SUPV3L1: variants seen among roughly 807,000 people sequenced by gnomAD.
The protein encoded by SUPV3L1 is ATP-dependent RNA helicase SUPV3L1, mitochondrial.
SUPV3L1 carries 35 observed loss-of-function variants against 70.0 expected under a neutral mutation model. The ratio of observed to expected loss-of-function variants is 0.50; its 90% CI spans 0.38 to 0.66. The LOEUF (loss-of-function observed/expected upper bound fraction) is 0.66. Ranked by LOEUF, SUPV3L1 falls within the 30% of genes least tolerant of loss-of-function variation. SUPV3L1 has a pLI of 0.00. For missense variants in SUPV3L1, 777 were observed against 961.5 expected, an observed-to-expected ratio of 0.81 and a Z score of 2.54; for synonymous variants, 364 against 341.9, an observed-to-expected ratio of 1.06 and a Z score of -0.71.
chr10:69,205,703 T>G (rs1842808901), intron 13 of SUPV3L1, among the ~76,000 whole-genome samples: 1 of 152,054 alleles, frequency 6.6e-6, no homozygotes, highest in African/African-American at 2.4e-5. Flanking sequence ...CTGGCTAATT[T>G]TTTGTATTTT....
At chr10:69,187,535 C>G (rs1182046312) in intron 3 of SUPV3L1, 107 bp from the exon 4 acceptor site, 5 of 696,994 alleles carry the variant, frequency 7.2e-6, no homozygotes, top group Non-Finnish European at 1.2e-5. Flanking sequence ...TTCTTTTTAC[C>G]CTGGCAGTGC....
In SUPV3L1 at chr10:69,187,671, T is replaced by G; in HGVS notation, c.487T>G (p.Leu163Val). ...TGCGGATGATTTATTCCCATTTTTCTTGAGACATGCCAAACAAATATTTCC... is the reference window on the plus strand; with the variant it reads ...TGCGGATGATTTATTCCCATTTTTCGTGAGACATGCCAAACAAATATTTCC... ...AHADDLFPFFLRHAKQIFPVL... is the reference protein window; with the variant it reads ...AHADDLFPFFVRHAKQIFPVL... Residue 163 changes from leucine to valine, a missense_variant, in exon 4 of 15, where the codon TTG becomes GTG. Physicochemically the swap from Leu to Val is conservative, Grantham distance 32. Coordinates refer to ENST00000359655, the MANE Select transcript of SUPV3L1 (RefSeq NM_003171.5). The G allele has an allele frequency of 6.2e-7, 1 of 1,612,872 alleles. No individual in the cohort carries two copies. The highest frequency in any genetic ancestry group is 8.5e-7 in the Non-Finnish European group (1 of 1,179,656).
intron 9 of SUPV3L1, among the ~76,000 whole-genome samples, 187 bp downstream of exon 9, chr10:69,198,739 A>G (rs145434156): frequency 9.3e-4 from 142 of 152,348 alleles, no homozygotes; most frequent in Non-Finnish European, 1.4e-3. Flanking sequence ...TATTTTAATT[A>G]TAGTTCTTGT....
Position 69,197,036 on chromosome 10 carries a change from A to G in SUPV3L1, c.976A>G (p.Ile326Val), listed in dbSNP as rs200013555. Residue 326 changes from isoleucine to valine, a missense_variant, in exon 8 of 15, where the codon ATT (isoleucine) becomes GTT (valine). By Grantham distance (29) the Ile-to-Val change is conservative. Coordinates refer to ENST00000359655, the MANE Select transcript of SUPV3L1 (RefSeq NM_003171.5). ...EVHLCGEPAA[I>V]DLVMELMYTT... ...TCATTTGTGTGGAGAACCTGCTGCT[A>G]TTGACCTGGTGATGGAGCTTATGTA... is the stretch of plus-strand genomic sequence containing the variant. 48 of 1,613,996 alleles carry G rather than the reference A, an allele frequency of 3.0e-5. No individual in the cohort carries two copies. Among genetic ancestry groups the G allele is most frequent in the Non-Finnish European group, 3.8e-5 (45 of 1,179,994 alleles).
intron 4 of SUPV3L1, among the ~76,000 whole-genome samples, chr10:69,188,353 T>A (rs1001224487): frequency 6.6e-6 from 1 of 152,176 alleles, no homozygotes; most frequent in Non-Finnish European, 1.5e-5. Context: ...CATATTCTGC[T>A]TGGGTTCCAC....
chr10:69,205,031 A>G (rs1265955879), intron 13 of SUPV3L1, among the ~76,000 whole-genome samples: 1 of 152,166 alleles, frequency 6.6e-6, no homozygotes, highest in East Asian at 1.9e-4. Flanking sequence ...TCAGCCTCCC[A>G]AAGTGCTAGG....
chr10:69,194,376 G>A (rs1842480429), intron 6 of SUPV3L1, among the ~76,000 whole-genome samples: 1 of 151,302 alleles, frequency 6.6e-6, no homozygotes, highest in Admixed American at 6.6e-5. Context: ...TTTTGAGCTG[G>A]AGTCTTGCTG....
chr10:69,203,721 T>G, intron 13 of SUPV3L1, among the ~76,000 whole-genome samples: 1 of 151,480 alleles, frequency 6.6e-6, no homozygotes, highest in East Asian at 1.9e-4. Context: ...TTTATTTAAT[T>G]TAATTTTATT....
chr10:69,185,868 T>G, intron 1 of SUPV3L1, 119 bp from the exon 2 acceptor site: 1 of 770,194 alleles, frequency 1.3e-6, no homozygotes, highest in Non-Finnish European at 2.3e-6. Flanking sequence ...TAAAACCTTC[T>G]AGTTCTTGCA....
In SUPV3L1 at chr10:69,199,107, C is replaced by G. The variant is rs777997238; in HGVS notation, c.1208C>G (p.Thr403Ser). ...ACATAAATTGTTCTTGTTTTAGGGA[C>G]CAAACTTGCTCAAGCAAAAAAGTTT... ...AVIYGSLPPG[T>S]KLAQAKKFND... Residue 403 changes from threonine (T) to serine (S), a missense_variant, in exon 10 of 15, where the codon ACC becomes AGC. By Grantham distance (58) the Thr-to-Ser change is moderately conservative. Around this residue, in one of 2 missense-constraint regions of SUPV3L1, gnomAD observed 619 missense variants for 823.3 expected, o/e 0.75. Coordinates refer to ENST00000359655, the MANE Select transcript of SUPV3L1 (RefSeq NM_003171.5). 1 of 1,609,942 alleles carries G rather than the reference C, an allele frequency of 6.2e-7. No individual in the cohort carries two copies. Among genetic ancestry groups the G allele is most frequent in the Non-Finnish European group, 8.5e-7 (1 of 1,178,632 alleles).
chr10:69,191,886 G>C (rs1429663220), intron 6 of SUPV3L1, 120 bp downstream of exon 6: 5 of 628,684 alleles, frequency 8.0e-6, no homozygotes, highest in Non-Finnish European at 1.1e-5. Context: ...GGCTCACTGC[G>C]ACCTCTGCCT....
Position 69,203,675 on chromosome 10 carries a change from A to C in SUPV3L1, c.1776+632A>C, listed in dbSNP as rs576054185. Reference sequence around the variant, plus strand: ...CGAGACTCTGTCTCAAAAAAAAAAAAAACAAAACTCTACCAAGGTTTATCA... The same window carrying C: ...CGAGACTCTGTCTCAAAAAAAAAAACAACAAAACTCTACCAAGGTTTATCA... On this transcript the variant is annotated intron_variant, in intron 13 of 14. Transcript: ENST00000359655. Among the ~76,000 whole-genome samples the C allele has an allele frequency of 6.2e-4, 94 of 151,356 alleles. 1 individual carries two copies. The South Asian group carries it at 0.019, about 31-fold the overall frequency.
Position 69,202,539 on chromosome 10 carries a change from C to G in SUPV3L1, c.1599+20C>G. ...CTCATTGTAAGTGGAAACTCCCTTT[C>G]ACATCTCCCCTAAAAATGTTGATAT... On this transcript the variant is annotated intron_variant, in intron 12 of 14. Coordinates refer to ENST00000359655, the MANE Select transcript of SUPV3L1 (RefSeq NM_003171.5). 1 of 1,602,544 alleles carries G rather than the reference C, an allele frequency of 6.2e-7. No individual in the cohort carries two copies. The highest frequency in any genetic ancestry group is 1.1e-5 in the South Asian group (1 of 89,776).
At chr10:69,198,592 CTATCTTTGCAATTTATGTTGAGA>C in intron 9 of SUPV3L1, 40 bp downstream of exon 9, 1 of 1,575,552 alleles carries the variant, frequency 6.3e-7, no homozygotes, top group East Asian at 2.3e-5. Context: ...ATGAAATCTC[CTATCTTTGCAATTTATGTTGAGA>C]TATATATAAA....
intron 9 of SUPV3L1, 62 bp downstream of exon 9, chr10:69,198,614 G>A: frequency 2.0e-6 from 3 of 1,495,644 alleles, no homozygotes; most frequent in Admixed American, 4.1e-5. Flanking sequence ...TTTATGTTGA[G>A]ATATATATAA....
chr10:69,204,677 T>C (rs12248000), intron 13 of SUPV3L1, among the ~76,000 whole-genome samples: 6,301 of 152,330 alleles, frequency 0.041, 461 homozygotes, highest in African/African-American at 0.14. Flanking sequence ...TAAGTTTGTG[T>C]GTATCTTTGC....
At chr10:69,206,556 C>A (rs930452484) in intron 13 of SUPV3L1, among the ~76,000 whole-genome samples, 1 of 152,190 alleles carries the variant, frequency 6.6e-6, no homozygotes, top group African/African-American at 2.4e-5. Flanking sequence ...CCAGCAGTGT[C>A]TTGTGGTTCA....
At chr10:69,199,396 C>A (rs1842627262) in intron 10 of SUPV3L1, among the ~76,000 whole-genome samples, 199 bp downstream of exon 10, 2 of 152,124 alleles carry the variant, frequency 1.3e-5, no homozygotes, top group South Asian at 4.1e-4. Context: ...CAGGACTTTT[C>A]TTAGGGACAG....
chr10:69,184,100 T>C (rs193017100), intron 1 of SUPV3L1, among the ~76,000 whole-genome samples: 71 of 152,110 alleles, frequency 4.7e-4, no homozygotes, highest in African/African-American at 1.7e-3. Context: ...TCACAGAAAA[T>C]AGGTTAATTC....
Sources: gnomAD v4.1 joint callset for allele counts (sites outside exome capture counted in the v4.1 genomes callset) on GRCh38, gnomAD v4.1.1 for gene constraint, gnomAD v4.1.1 regional missense constraint, MANE v1.5 for transcripts, NCBI Gene and HGNC (gene_info 2026-07-23, HGNC 2026-07-21) for gene names.